Variants in DHRSX observed in about 807,000 individuals in gnomAD.
The protein encoded by DHRSX is dehydrogenase/reductase X-linked.
Under a neutral mutation model 34.0 loss-of-function variants are expected in DHRSX, and 31 were observed. That is an observed-to-expected ratio of 0.91 (90% CI 0.69 to 1.23). DHRSX has a LOEUF of 1.23. Among genes scored for constraint, DHRSX ranks in the 50% most tolerant of loss-of-function variants. The pLI is 0.00. For synonymous variants in DHRSX, 201 were observed against 183.8 expected (o/e 1.09, Z -0.76); for missense variants, 414 against 428.1 (o/e 0.97, Z 0.29).
intron 5 of DHRSX, among the ~76,000 whole-genome samples, chrX:2,265,356 G>A (rs1342986458): frequency 1.1e-5 from 1 of 90,314 alleles, no homozygotes; most frequent in African/African-American, 5.1e-5. Flanking sequence ...CAGAGCACCA[G>A]TGCTCAGCAG....
intron 6 of DHRSX, 62 bp downstream of exon 6, chrX:2,242,961 G>A (rs2016174923): frequency 2.0e-6 from 3 of 1,538,070 alleles, no homozygotes; most frequent in East Asian, 4.5e-5. Context: ...CTGGACTGGG[G>A]ACCCCCTTTC....
chrX:2,259,331 GATATATATAGATATAGAT>G (rs1299698486), intron 5 of DHRSX, among the ~76,000 whole-genome samples: 1 of 144,512 alleles, frequency 6.9e-6, no homozygotes, highest in Admixed American at 7.0e-5. Flanking sequence ...GATAGATATA[GATATATATAGATATAGAT>G]ATATAGATAG....
At chrX:2,365,585 T>TG (rs1204621393) in intron 3 of DHRSX, among the ~76,000 whole-genome samples, 1 of 152,146 alleles carries the variant, frequency 6.6e-6, no homozygotes, top group African/African-American at 2.4e-5. Flanking sequence ...AATTTTACCT[T>TG]GGGGCTACCA....
At chrX:2,351,287 G>C (rs935647644) in intron 3 of DHRSX, among the ~76,000 whole-genome samples, 3 of 152,094 alleles carry the variant, frequency 2.0e-5, no homozygotes, top group African/African-American at 7.2e-5. Context: ...GTAAATGTTC[G>C]GCTACATCGT....
chrX:2,464,956 A>C (rs2044469205), intron 1 of DHRSX, among the ~76,000 whole-genome samples: 2 of 150,908 alleles, frequency 1.3e-5, no homozygotes, highest in Non-Finnish European at 1.5e-5. Context: ...GTAAATACTT[A>C]AGACATTCCC....
intron 5 of DHRSX, among the ~76,000 whole-genome samples, chrX:2,248,882 C>G (rs751172325): frequency 6.6e-6 from 1 of 152,314 alleles, no homozygotes; most frequent in East Asian, 1.9e-4. Context: ...GTCGTTGAAC[C>G]TAAGCATAAA....
chrX:2,500,099 T>A (rs1161678396), intron 1 of DHRSX, among the ~76,000 whole-genome samples: 2 of 152,200 alleles, frequency 1.3e-5, no homozygotes, highest in Non-Finnish European at 2.9e-5. Flanking sequence ...CAAAACACAG[T>A]GGCGGTCATC....
intron 3 of DHRSX, among the ~76,000 whole-genome samples, chrX:2,337,325 G>C (rs1243303016): frequency 2.0e-5 from 3 of 152,066 alleles, no homozygotes; most frequent in Non-Finnish European, 4.4e-5. Context: ...GAGTAGTGTT[G>C]TTTGGCTCTG....
At chrX:2,353,769 G>A (rs1296814886) in intron 3 of DHRSX, among the ~76,000 whole-genome samples, 2 of 151,578 alleles carry the variant, frequency 1.3e-5, no homozygotes, top group East Asian at 3.9e-4. Flanking sequence ...TTTTTTAGTA[G>A]AGATGGGGTC....
intron 1 of DHRSX, among the ~76,000 whole-genome samples, chrX:2,483,032 G>T (rs1477602001): frequency 6.6e-6 from 1 of 150,938 alleles, no homozygotes; most frequent in Non-Finnish European, 1.5e-5. Context: ...AGGGCACAAA[G>T]AACCCAACTG....
intron 3 of DHRSX, among the ~76,000 whole-genome samples, chrX:2,355,801 T>G (rs997842479): frequency 1.3e-5 from 2 of 151,972 alleles, no homozygotes; most frequent in Non-Finnish European, 2.9e-5. Flanking sequence ...GTATGGTGGC[T>G]CACCCTGTAA....
intron 4 of DHRSX, among the ~76,000 whole-genome samples, chrX:2,276,329 C>G (rs898833692): frequency 3.9e-5 from 6 of 152,158 alleles, no homozygotes; most frequent in Non-Finnish European, 8.8e-5. Context: ...CGGGTGCCGT[C>G]CACGTTAGGA....
intron 3 of DHRSX, among the ~76,000 whole-genome samples, chrX:2,292,587 G>C (rs940168168): frequency 6.6e-6 from 1 of 150,768 alleles, no homozygotes; most frequent in African/African-American, 2.4e-5. Context: ...ATAGAATATA[G>C]AATTTTATAT....
intron 1 of DHRSX, among the ~76,000 whole-genome samples, chrX:2,450,487 T>G (rs2044201731): frequency 6.6e-6 from 1 of 151,970 alleles, no homozygotes. Context: ...TTAGATAGTA[T>G]CGGACATGCT....
intron 3 of DHRSX, among the ~76,000 whole-genome samples, chrX:2,323,073 C>CCGCCAT (rs2042332992): frequency 1.2e-5 from 1 of 82,264 alleles, no homozygotes; most frequent in Non-Finnish European, 2.9e-5. Flanking sequence ...ACAGGCGCCA[C>CCGCCAT]ACCCAGCTAA....
rs1426756592 is a variant in DHRSX at position 2,500,834 on chromosome X, C to T, written c.92G>A (p.Gly31Glu). 3.5e-6 allele frequency: 4 copies of T among 1,143,792 alleles called. No individual in the cohort carries two copies. The highest frequency in any genetic ancestry group is 3.2e-6 in the Non-Finnish European group (3 of 929,268). The allele number at this position is 1,143,792 out of a possible 1,614,324, so 70.9% of individuals were successfully genotyped here. A position where few individuals can be genotyped will look rare whatever the true frequency, so the allele number is the denominator to read the frequency against. Residue 31 changes from glycine (G) to glutamate (E), a missense_variant, in exon 1 of 7, where the codon GGG becomes GAG. By Grantham distance (98) the Gly-to-Glu change is moderately conservative. Coordinates refer to ENST00000334651, the MANE Select transcript of DHRSX (RefSeq NM_145177.3). ...ILAQLLRRCR[G>E]GFLEPVFPPR... Reference sequence around the variant, plus strand: ...CCGCTGACCTGGCTCCAGGAAGCCCCCGCGGCAGCGCCGCAGCAGCTGCGC... The same window carrying T: ...CCGCTGACCTGGCTCCAGGAAGCCCTCGCGGCAGCGCCGCAGCAGCTGCGC...
chrX:2,226,321 C>G (rs755941137), intron 6 of DHRSX, among the ~76,000 whole-genome samples: 5 of 152,220 alleles, frequency 3.3e-5, no homozygotes, highest in Admixed American at 3.3e-4. Flanking sequence ...GTTCCCCTCC[C>G]AAGTCATTTC....
chrX:2,462,826 T>G (rs2044421974), intron 1 of DHRSX, among the ~76,000 whole-genome samples: 1 of 151,956 alleles, frequency 6.6e-6, no homozygotes, highest in South Asian at 2.1e-4. Flanking sequence ...AAAGCTTAAC[T>G]ATTACTGCAT....
Position 2,299,528 on chromosome X carries a change from A to G in DHRSX, c.287-7925T>C, listed in dbSNP as rs1482698082. 3.3e-5 allele frequency among the ~76,000 whole-genome samples: 5 copies of G among 152,098 alleles called. No individual in the cohort carries two copies. The East Asian group carries it at 9.6e-4, about 29-fold the overall frequency. On this transcript the variant is annotated intron_variant, in intron 3 of 6. Coordinates refer to ENST00000334651, the MANE Select transcript of DHRSX (RefSeq NM_145177.3). ...CCAACTTTTCTTTTATTTGCAACTC[A>G]GTGACAGACAGTAAACCCTGAGACT...
Sources: allele counts gnomAD v4.1 joint callset (sites outside exome capture counted in the v4.1 genomes callset), GRCh38; gene constraint gnomAD v4.1.1; transcripts MANE v1.5; gene names NCBI Gene and HGNC (gene_info 2026-07-23, HGNC 2026-07-21).